RGS6: variants seen among roughly 807,000 people sequenced by gnomAD.
RGS6 encodes regulator of G protein signaling 6.
RGS6 carries 30 observed loss-of-function variants against 78.5 expected under a neutral mutation model. That is an observed-to-expected ratio of 0.38 (90% CI 0.29 to 0.52). RGS6 has a LOEUF of 0.52. Among genes scored for constraint, RGS6 ranks in the 20% least tolerant of loss-of-function variants. The probability of loss-of-function intolerance (pLI) is 0.85; values close to 1 mark genes in which losing one functional copy is unlikely to be tolerated. For missense variants in RGS6, 495 were observed against 609.7 expected, an observed-to-expected ratio of 0.81 and a Z score of 1.98; for synonymous variants, 206 against 206.0, an observed-to-expected ratio of 1.00 and a Z score of 0.00.
At chr14:72,389,624 T>C (rs2089379535) in intron 3 of RGS6, among the ~76,000 whole-genome samples, 1 of 152,168 alleles carries the variant, frequency 6.6e-6, no homozygotes, top group Non-Finnish European at 1.5e-5. Flanking sequence ...CAGGGAATAT[T>C]TGGAAACTAA....
intron 2 of RGS6, among the ~76,000 whole-genome samples, chr14:72,322,846 A>T (rs2072484287): frequency 6.6e-6 from 1 of 152,132 alleles, no homozygotes; most frequent in African/African-American, 2.4e-5. Flanking sequence ...TCTAATCTTG[A>T]TGAAAAACTC....
chr14:71,886,643 A>G, the RGS6 span, among the ~76,000 whole-genome samples: 2 of 152,314 alleles, frequency 1.3e-5, no homozygotes, highest in East Asian at 3.9e-4. Context: ...TCAGCATGTA[A>G]TTTTGGTGAA....
intron 2 of RGS6, among the ~76,000 whole-genome samples, chr14:72,173,484 C>G (rs1455527920): frequency 6.6e-6 from 1 of 152,194 alleles, no homozygotes. Flanking sequence ...ATGCTCACGG[C>G]AGGATCAGAT....
chr14:72,038,539 AT>A (rs1304446856), intron 2 of RGS6, among the ~76,000 whole-genome samples: 2 of 151,996 alleles, frequency 1.3e-5, no homozygotes, highest in African/African-American at 4.8e-5. Flanking sequence ...TGTTTTTTTC[AT>A]TTATTTAGGT....
intron 2 of RGS6, among the ~76,000 whole-genome samples, chr14:72,292,847 G>A (rs2063862559): frequency 1.3e-5 from 2 of 152,216 alleles, no homozygotes; most frequent in South Asian, 2.1e-4. Flanking sequence ...CTGGCCCAGA[G>A]CTGTCCTGGC....
chr14:72,195,028 C>T (rs949319216), intron 2 of RGS6, among the ~76,000 whole-genome samples: 17 of 151,978 alleles, frequency 1.1e-4, no homozygotes, highest in Admixed American at 2.6e-4. Context: ...GCCAACATAG[C>T]GAAACCCCGT....
intron 17 of RGS6, among the ~76,000 whole-genome samples, chr14:72,552,415 A>T (rs2097521324): frequency 6.6e-6 from 1 of 152,184 alleles, no homozygotes; most frequent in African/African-American, 2.4e-5. Flanking sequence ...GCCACCAGGC[A>T]AATGGTGCAC....
intron 3 of RGS6, among the ~76,000 whole-genome samples, chr14:72,409,647 T>G (rs1272789483): frequency 6.6e-6 from 1 of 152,166 alleles, no homozygotes; most frequent in Non-Finnish European, 1.5e-5. Context: ...ATGGCCATGT[T>G]GGTGTGCTGC....
intron 2 of RGS6, among the ~76,000 whole-genome samples, chr14:72,244,888 G>C (rs574302644): frequency 6.6e-6 from 1 of 151,260 alleles, no homozygotes; most frequent in African/African-American, 2.4e-5. Context: ...GCAATGGCAC[G>C]ATCTCAGCTC....
chr14:72,129,694 A>G (rs1257720562), intron 2 of RGS6, among the ~76,000 whole-genome samples: 1 of 152,182 alleles, frequency 6.6e-6, no homozygotes, highest in Non-Finnish European at 1.5e-5. Flanking sequence ...GAGCCGCTGA[A>G]CTTCTAACAT....
At chr14:72,003,525 T>C (rs1018105502) in intron 2 of RGS6, among the ~76,000 whole-genome samples, 5 of 152,214 alleles carry the variant, frequency 3.3e-5, no homozygotes, top group Admixed American at 2.0e-4. Context: ...ATACCTTGAT[T>C]ATTAGCTTTG....
At chr14:72,066,470 A>G (rs1276157804) in intron 2 of RGS6, among the ~76,000 whole-genome samples, 1 of 150,912 alleles carries the variant, frequency 6.6e-6, no homozygotes, top group Non-Finnish European at 1.5e-5. Flanking sequence ...TTATATATAA[A>G]GATATATTTT....
chr14:72,329,132 C>G (rs2074424624), intron 2 of RGS6, among the ~76,000 whole-genome samples: 1 of 152,212 alleles, frequency 6.6e-6, no homozygotes, highest in African/African-American at 2.4e-5. Flanking sequence ...CCTCAGCCTC[C>G]CAAAGTGCTG....
At chr14:72,452,304 G>T (rs1275631329) in intron 3 of RGS6, among the ~76,000 whole-genome samples, 1 of 151,770 alleles carries the variant, frequency 6.6e-6, no homozygotes, top group East Asian at 1.9e-4. Flanking sequence ...TTGACTCACA[G>T]ATGCTGTCCA....
chr14:72,598,542 G>A, the RGS6 span, among the ~76,000 whole-genome samples: 2,605 of 152,278 alleles, frequency 0.017, 81 homozygotes, highest in African/African-American at 0.059. Flanking sequence ...TGCTCAAAGC[G>A]CCCCACTCGG....
chr14:72,100,177 C>T (rs1354296796), intron 2 of RGS6, among the ~76,000 whole-genome samples: 2 of 152,048 alleles, frequency 1.3e-5, no homozygotes, highest in African/African-American at 2.4e-5. Context: ...GAGTGATTTC[C>T]AGTTTTACAG....
chr14:72,060,201 G>C (rs2093822383), intron 2 of RGS6, among the ~76,000 whole-genome samples: 1 of 152,102 alleles, frequency 6.6e-6, no homozygotes, highest in African/African-American at 2.4e-5. Context: ...TCAAGAGCTG[G>C]TAGAGTGCTA....
the RGS6 span, among the ~76,000 whole-genome samples, chr14:72,602,127 C>T: frequency 6.6e-6 from 1 of 152,198 alleles, no homozygotes; most frequent in Admixed American, 6.5e-5. Flanking sequence ...ATAATTCCCT[C>T]CATTAAGAGA....
At chr14:72,405,050 A>C (rs1376962731) in intron 3 of RGS6, among the ~76,000 whole-genome samples, 1 of 152,200 alleles carries the variant, frequency 6.6e-6, no homozygotes, top group African/African-American at 2.4e-5. Flanking sequence ...AGGGAAACAG[A>C]CTTTTTAAGA....
Sources: allele counts gnomAD v4.1 joint callset (sites outside exome capture counted in the v4.1 genomes callset), GRCh38; gene constraint gnomAD v4.1.1; transcripts MANE v1.5; gene names NCBI Gene and HGNC (gene_info 2026-07-23, HGNC 2026-07-21).